Variants in TINAG observed in about 807,000 individuals in gnomAD.
TINAG encodes tubulointerstitial nephritis antigen.
In TINAG, 83 loss-of-function variants were observed where a neutral mutation model predicts 72.7. The observed-to-expected ratio is 1.14, with a 90% confidence interval of 0.96 to 1.37. TINAG has a LOEUF of 1.37. TINAG is among the 40% of genes most tolerant of loss of function. The probability of loss-of-function intolerance (pLI) is 0.00; values close to 1 mark genes in which losing one functional copy is unlikely to be tolerated. For synonymous variants in TINAG, 234 were observed against 189.9 expected (o/e 1.23, Z -1.91); for missense variants, 685 against 576.6 (o/e 1.19, Z -1.93).
upstream of TINAG, chr6:54,307,960 G>A (rs536560397): frequency 3.0e-5 from 41 of 1,375,834 alleles, no homozygotes; most frequent in African/African-American, 1.9e-4. Context: ...AAATCAAAAC[G>A]CTTCTGGTAG....
intron 4 of TINAG, 129 bp downstream of exon 4, chr6:54,327,045 T>C (rs1358907700): frequency 1.3e-6 from 2 of 1,541,152 alleles, no homozygotes; most frequent in African/African-American, 2.8e-5. Flanking sequence ...GTCACATAAA[T>C]AAAAAACCCT....
chr6:54,323,811 A>G (rs1784545603), intron 3 of TINAG, among the ~76,000 whole-genome samples: 1 of 152,066 alleles, frequency 6.6e-6, no homozygotes, highest in Non-Finnish European at 1.5e-5. Context: ...AAAATTATCC[A>G]GGTGTGCTGG....
chr6:54,368,333 A>G (rs1490168231), intron 9 of TINAG, among the ~76,000 whole-genome samples: 1 of 147,802 alleles, frequency 6.8e-6, no homozygotes, highest in African/African-American at 2.4e-5. Flanking sequence ...ATAATCAAAT[A>G]ATAATTTAAA....
chr6:54,355,356 C>G (rs531355100), intron 9 of TINAG, among the ~76,000 whole-genome samples: 1 of 151,942 alleles, frequency 6.6e-6, no homozygotes, highest in South Asian at 2.1e-4. Context: ...TGGTAAATAA[C>G]TTCATTCCCA....
chr6:54,354,222 T>C (rs922916001), intron 8 of TINAG, among the ~76,000 whole-genome samples: 7 of 151,894 alleles, frequency 4.6e-5, no homozygotes, highest in African/African-American at 1.7e-4. Flanking sequence ...TATGCTTTTG[T>C]TGCAAGCGCT....
chr6:54,360,438 G>A (rs1293372320), intron 9 of TINAG, among the ~76,000 whole-genome samples: 1 of 151,544 alleles, frequency 6.6e-6, no homozygotes, highest in African/African-American at 2.4e-5. Flanking sequence ...ATGTTAAAAT[G>A]TCATAAAAGT....
chr6:54,337,822 C>A (rs538411926), intron 4 of TINAG, among the ~76,000 whole-genome samples: 1 of 152,080 alleles, frequency 6.6e-6, no homozygotes, highest in Non-Finnish European at 1.5e-5. Flanking sequence ...GCTGATGGTG[C>A]GGTAGAAGAG....
At chr6:54,327,210 A>G (rs77691817) in intron 4 of TINAG, 53,094 of 1,521,498 alleles carry the variant, frequency 0.035, 2,045 homozygotes, top group East Asian at 0.19. Context: ...AGCGAGACCA[A>G]CGTAGAAGGT....
chr6:54,345,081 A>G (rs1785088839), intron 5 of TINAG, among the ~76,000 whole-genome samples: 1 of 152,126 alleles, frequency 6.6e-6, no homozygotes, highest in Admixed American at 6.6e-5. Context: ...TGTTTGGAGT[A>G]GTGGGGGTAA....
intron 9 of TINAG, among the ~76,000 whole-genome samples, chr6:54,361,352 C>A (rs1257986375): frequency 6.6e-6 from 1 of 151,680 alleles, no homozygotes; most frequent in Admixed American, 6.6e-5. Context: ...CATAGTTCCA[C>A]AGGCTGTGCA....
intron 7 of TINAG, 99 bp from the exon 8 acceptor site, chr6:54,351,253 A>G (rs1023696398): frequency 8.5e-6 from 9 of 1,058,834 alleles, no homozygotes; most frequent in African/African-American, 8.0e-5. Context: ...TCAAAGTACA[A>G]TTGAGAGTAA....
chr6:54,371,512 T>C (rs994692349), intron 9 of TINAG, among the ~76,000 whole-genome samples: 3 of 151,628 alleles, frequency 2.0e-5, no homozygotes, highest in Non-Finnish European at 4.4e-5. Context: ...CTAATTATGA[T>C]ATTAATGAGT....
intron 9 of TINAG, among the ~76,000 whole-genome samples, chr6:54,371,821 A>G (rs1763616287): frequency 6.6e-6 from 1 of 152,018 alleles, no homozygotes; most frequent in African/African-American, 2.4e-5. Context: ...AAACTTTTTT[A>G]GTTGGGAAAT....
intron 1 of TINAG, among the ~76,000 whole-genome samples, chr6:54,318,654 G>T (rs1484005060): frequency 6.6e-6 from 1 of 152,050 alleles, no homozygotes; most frequent in Non-Finnish European, 1.5e-5. Flanking sequence ...TAAATTTGAT[G>T]GGAAACGACT....
chr6:54,331,749 A>G (rs554808686), intron 4 of TINAG, among the ~76,000 whole-genome samples: 4 of 149,722 alleles, frequency 2.7e-5, no homozygotes, highest in East Asian at 2.0e-4. Flanking sequence ...CTGATAAGCA[A>G]CTTCAGCAAA....
intron 9 of TINAG, among the ~76,000 whole-genome samples, chr6:54,357,821 C>T (rs1207096996): frequency 6.6e-6 from 1 of 151,924 alleles, no homozygotes; most frequent in Non-Finnish European, 1.5e-5. Flanking sequence ...CTAGTCTCAA[C>T]ATAGAAAACA....
chr6:54,372,771 T>TAC (rs1307007310), intron 9 of TINAG, among the ~76,000 whole-genome samples: 83 of 140,108 alleles, frequency 5.9e-4, no homozygotes, highest in Middle Eastern at 3.7e-3. Flanking sequence ...TATATATATA[T>TAC]ACACACACAC....
At chr6:54,333,625 A>G (rs79364737) in intron 4 of TINAG, among the ~76,000 whole-genome samples, 1 of 140,368 alleles carries the variant, frequency 7.1e-6, no homozygotes, top group South Asian at 2.2e-4. Flanking sequence ...ATAAAAAAAA[A>G]AAAAATAAAA....
rs16885239 is a variant in TINAG, at chr6:54,342,947, A to C, written c.625-279A>C. Among the ~76,000 whole-genome samples, 1,406 of 152,220 alleles carry C rather than the reference A, an allele frequency of 9.2e-3. 31 individuals are homozygous for C. Among genetic ancestry groups the C allele is most frequent in the East Asian group, 0.053 (274 of 5,166 alleles). ...ATGAGCAAAACTCTGATTCAAGGTG[A>C]TAGAAACATTGGCTGATATTATTGC... On this transcript the variant is annotated intron_variant, in intron 4 of 10. Transcript: ENST00000259782.
Sources: gnomAD v4.1 joint callset for allele counts (sites outside exome capture counted in the v4.1 genomes callset) on GRCh38, gnomAD v4.1.1 for gene constraint, MANE v1.5 for transcripts, NCBI Gene and HGNC (gene_info 2026-07-23, HGNC 2026-07-21) for gene names.